The following CHRNA7 variants were observed in gnomAD, a reference collection of about 807,000 sequenced individuals.
The protein encoded by CHRNA7 is cholinergic receptor nicotinic alpha 7 subunit.
In CHRNA7, 17 loss-of-function variants were observed where a neutral mutation model predicts 48.0. The ratio of observed to expected loss-of-function variants is 0.35; its 90% CI spans 0.24 to 0.53. The LOEUF (loss-of-function observed/expected upper bound fraction) is 0.53. Among genes scored for constraint, CHRNA7 ranks in the 20% least tolerant of loss-of-function variants. CHRNA7 has a pLI of 0.92. For synonymous variants in CHRNA7, 75 were observed against 242.3 expected, an observed-to-expected ratio of 0.31 and a Z score of 6.41; for missense variants, 155 against 577.7, an observed-to-expected ratio of 0.27 and a Z score of 7.50.
At chr15:32,101,444 T>C in intron 3 of CHRNA7, 97 bp downstream of exon 3, 1 of 1,375,584 alleles carries the variant, frequency 7.3e-7, no homozygotes, top group Non-Finnish European at 9.9e-7. Flanking sequence ...TGAGAGGTCC[T>C]GTTTAGGAAA....
chr15:32,093,358 A>G (rs1178653610), intron 2 of CHRNA7, among the ~76,000 whole-genome samples: 1 of 152,168 alleles, frequency 6.6e-6, no homozygotes, highest in African/African-American at 2.4e-5. Context: ...AGGAAAGGAA[A>G]CCTTTCAGTT....
intron 4 of CHRNA7, among the ~76,000 whole-genome samples, chr15:32,150,969 T>C (rs1242607323): frequency 6.6e-6 from 1 of 152,184 alleles, no homozygotes; most frequent in East Asian, 1.9e-4. Flanking sequence ...TGTCCTTTCA[T>C]GACAACTTGG....
At chr15:32,073,029 C>T (rs2050082735) in intron 2 of CHRNA7, among the ~76,000 whole-genome samples, 1 of 152,182 alleles carries the variant, frequency 6.6e-6, no homozygotes, top group Admixed American at 6.5e-5. Flanking sequence ...AACCATCCGC[C>T]AGACCCATGA....
In CHRNA7 at chr15:32,030,918, C is replaced by T. The variant is rs200918575; in HGVS notation, c.76C>T (p.Gln26Ter). 1.2e-6 allele frequency: 2 copies of T among 1,614,126 alleles called. No homozygotes were observed. The highest frequency in any genetic ancestry group is 1.7e-6 in the Non-Finnish European group (2 of 1,180,004). ...TTAAGTGTCCCTGCAAGGCGAGTTC[C>T]AGAGGAAGCTTTACAAGGAGCTGGT... Reference protein sequence around the residue: ...LLHVSLQGEFQRKLYKELVKN... With the variant: ...LLHVSLQGEF Residue 26 changes from glutamine to a stop codon, truncating the protein, a stop_gained, in exon 2 of 10, where the codon CAG (glutamine) becomes TAG (stop). Coordinates refer to ENST00000306901, the MANE Select transcript of CHRNA7 (RefSeq NM_000746.6). LOFTEE classifies it high-confidence loss of function.
chr15:32,101,042 A>G (rs933824700), intron 2 of CHRNA7: 1 of 397,112 alleles, frequency 2.5e-6, no homozygotes, highest in Non-Finnish European at 4.4e-6. Context: ...TCTGGATGGT[A>G]AGGTTGCAGA....
chr15:32,049,455 A>G (rs898234870), intron 2 of CHRNA7, among the ~76,000 whole-genome samples: 3 of 152,074 alleles, frequency 2.0e-5, no homozygotes, highest in Non-Finnish European at 2.9e-5. Context: ...TTTATCAGAG[A>G]CTAGGATTGC....
At chr15:32,131,677 G>A (rs2141318323) in intron 4 of CHRNA7, among the ~76,000 whole-genome samples, 1 of 152,146 alleles carries the variant, frequency 6.6e-6, no homozygotes, top group South Asian at 2.1e-4. Flanking sequence ...TTTGGCATCT[G>A]CTAATTTTCT....
intron 4 of CHRNA7, among the ~76,000 whole-genome samples, chr15:32,143,513 G>A (rs576698095): frequency 4.3e-4 from 65 of 152,144 alleles, no homozygotes; most frequent in African/African-American, 1.5e-3. Context: ...TATTGACAGT[G>A]GGCTGTTAAA....
intron 4 of CHRNA7, among the ~76,000 whole-genome samples, chr15:32,137,335 A>AC (rs75689039): frequency 0.15 from 20,261 of 138,502 alleles, 1,490 homozygotes; most frequent in East Asian, 0.33. Flanking sequence ...TGTTTACAAC[A>AC]CCCCCCCCCC....
intron 4 of CHRNA7, among the ~76,000 whole-genome samples, chr15:32,129,430 TTTAA>T (rs1394468142): frequency 1.3e-5 from 2 of 151,954 alleles, no homozygotes; most frequent in Non-Finnish European, 2.9e-5. Context: ...ACTCAATGTG[TTTAA>T]TTGTTTTAGG....
chr15:32,124,135 T>G (rs1456809671), intron 4 of CHRNA7, among the ~76,000 whole-genome samples: 5 of 152,166 alleles, frequency 3.3e-5, no homozygotes, highest in Non-Finnish European at 7.3e-5. Context: ...TCCAACTATA[T>G]TGTATATACA....
chr15:32,084,162 T>G (rs1423601488), intron 2 of CHRNA7, among the ~76,000 whole-genome samples: 1 of 152,200 alleles, frequency 6.6e-6, no homozygotes, highest in Non-Finnish European at 1.5e-5. Context: ...AACTCGCTAT[T>G]TATAAATTTT....
intron 2 of CHRNA7, among the ~76,000 whole-genome samples, chr15:32,091,699 A>G (rs1352609891): frequency 6.6e-6 from 1 of 152,182 alleles, no homozygotes; most frequent in East Asian, 1.9e-4. Context: ...TCTTTTCTAT[A>G]GTCCCACTTA....
chr15:32,133,499 G>A (rs74011119), intron 4 of CHRNA7, among the ~76,000 whole-genome samples: 1,625 of 152,272 alleles, frequency 0.011, 35 homozygotes, highest in African/African-American at 0.037. Flanking sequence ...AGTAAAACTC[G>A]TGCTTCTGCC....
chr15:32,038,873 C>T (rs1032101644), intron 2 of CHRNA7, among the ~76,000 whole-genome samples: 2 of 152,144 alleles, frequency 1.3e-5, no homozygotes, highest in Non-Finnish European at 2.9e-5. Context: ...GTAGACTTCA[C>T]CAGTGAGCCC....
intron 4 of CHRNA7, among the ~76,000 whole-genome samples, chr15:32,143,747 T>C (rs1327599225): frequency 6.6e-6 from 1 of 151,936 alleles, no homozygotes; most frequent in Non-Finnish European, 1.5e-5. Context: ...AACCCCTGCT[T>C]TTTTTTTGCA....
At chr15:32,066,770 C>CAGT (rs2049973834) in intron 2 of CHRNA7, among the ~76,000 whole-genome samples, 1 of 152,100 alleles carries the variant, frequency 6.6e-6, no homozygotes, top group African/African-American at 2.4e-5. Context: ...ATGTTCAATG[C>CAGT]AGTAAACACT....
At chr15:32,048,830 C>T (rs1241455477) in intron 2 of CHRNA7, among the ~76,000 whole-genome samples, 1 of 151,820 alleles carries the variant, frequency 6.6e-6, no homozygotes, top group African/African-American at 2.4e-5. Flanking sequence ...TCCCTGTAGA[C>T]ACTGCTTTGA....
At chr15:32,113,033 G>A (rs1468201243) in intron 4 of CHRNA7, among the ~76,000 whole-genome samples, 2 of 152,126 alleles carry the variant, frequency 1.3e-5, no homozygotes, top group Non-Finnish European at 2.9e-5. Flanking sequence ...GCCTTTCCAT[G>A]CCTGGACTTT....
Sources: allele counts gnomAD v4.1 joint callset (sites outside exome capture counted in the v4.1 genomes callset), GRCh38; gene constraint gnomAD v4.1.1; transcripts MANE v1.5; gene names NCBI Gene and HGNC (gene_info 2026-07-23, HGNC 2026-07-21).